PLEKHG1: variants seen among roughly 807,000 people sequenced by gnomAD.
The protein encoded by PLEKHG1 is pleckstrin homology domain-containing family G member 1.
Under a neutral mutation model 100.8 loss-of-function variants are expected in PLEKHG1, and 44 were observed. The ratio of observed to expected loss-of-function variants is 0.44; its 90% confidence interval spans 0.34 to 0.56. The LOEUF (loss-of-function observed/expected upper bound fraction) is 0.56, where lower values mean the gene tolerates loss of function less well. Ranked by LOEUF, PLEKHG1 falls within the 20% of genes least tolerant of loss-of-function variation. The probability of loss-of-function intolerance (pLI) is 0.01; values close to 1 mark genes in which losing one functional copy is unlikely to be tolerated. For missense variants in PLEKHG1, 1,545 were observed against 1,720.9 expected, an observed-to-expected ratio of 0.90 and a Z score of 1.81; for synonymous variants, 640 against 662.5, an observed-to-expected ratio of 0.97 and a Z score of 0.52.
At chr6:150,659,700 C>G (rs1185036924) in intron 3 of PLEKHG1, among the ~76,000 whole-genome samples, 1 of 152,164 alleles carries the variant, frequency 6.6e-6, no homozygotes, top group East Asian at 1.9e-4. Context: ...TTTACCTGCC[C>G]CTGCCTCCAA....
chr6:150,783,134 CAAAA>C (rs1388992411), intron 3 of PLEKHG1, among the ~76,000 whole-genome samples: 34 of 35,304 alleles, frequency 9.6e-4, no homozygotes, highest in African/African-American at 4.2e-3. Flanking sequence ...TGAAACAAAA[CAAAA>C]AAATCAATAA....
chr6:150,682,874 C>G (rs1466096426), intron 3 of PLEKHG1, among the ~76,000 whole-genome samples: 1 of 152,152 alleles, frequency 6.6e-6, no homozygotes, highest in Non-Finnish European at 1.5e-5. Flanking sequence ...AGACCAGGAG[C>G]TCCTGGAGCA....
chr6:150,662,321 T>C (rs1384736723), intron 3 of PLEKHG1: 1 of 152,212 alleles, frequency 6.6e-6, no homozygotes, highest in Non-Finnish European at 1.5e-5. Flanking sequence ...CTAGGAACCA[T>C]ATATATACCA....
chr6:150,756,149 CAGA>C (rs1260336535), intron 2 of PLEKHG1, among the ~76,000 whole-genome samples: 1 of 151,538 alleles, frequency 6.6e-6, no homozygotes, highest in African/African-American at 2.4e-5. Flanking sequence ...GACAGTATGA[CAGA>C]AGGACATCTT....
intron 7 of PLEKHG1, among the ~76,000 whole-genome samples, chr6:150,805,076 C>T (rs1786982087): frequency 2.6e-5 from 4 of 152,036 alleles, no homozygotes. Flanking sequence ...GCTGGGATTA[C>T]AGGCATGTGC....
In PLEKHG1 at chr6:150,827,847, G is replaced by A. The variant is rs917354406; in HGVS notation, c.1471-2735G>A. On this transcript the variant is annotated intron_variant, in intron 14 of 15. Transcript: ENST00000358517. ...GGAAGAGCTGGAGGATCACGAAGGC[G>A]AGTTTAATGAGGAGGATGAATGTGC... 1.3e-5 allele frequency: 18 copies of A among 1,437,818 alleles called. No individual in the cohort carries two copies. The African/African-American group carries it at 1.8e-4, about 15-fold the overall frequency. 89.1% of individuals were successfully genotyped at this position (1,437,818 alleles called of 1,614,324 possible).
chr6:150,696,723 A>G (rs527466826), intron 3 of PLEKHG1, among the ~76,000 whole-genome samples: 3 of 152,334 alleles, frequency 2.0e-5, no homozygotes, highest in Non-Finnish European at 4.4e-5. Context: ...ATTATTTGTG[A>G]GAGGGAAAAT....
intron 3 of PLEKHG1, among the ~76,000 whole-genome samples, chr6:150,710,571 G>A (rs117360143): frequency 0.02 from 3,090 of 152,166 alleles, 45 homozygotes; most frequent in Middle Eastern, 0.048. Flanking sequence ...GTGAGGGGAC[G>A]GCATTACCCC....
intron 3 of PLEKHG1, among the ~76,000 whole-genome samples, chr6:150,782,218 GA>G (rs1250377559): frequency 6.6e-6 from 1 of 152,036 alleles, no homozygotes; most frequent in Non-Finnish European, 1.5e-5. Flanking sequence ...AGGAGTTCAA[GA>G]CCAGCCCAGC....
chr6:150,728,047 G>A (rs1325253705), intron 1 of PLEKHG1, among the ~76,000 whole-genome samples: 1 of 152,158 alleles, frequency 6.6e-6, no homozygotes, highest in Non-Finnish European at 1.5e-5. Flanking sequence ...ACACAGAGAT[G>A]ACCTCCCAAC....
At position 150,831,914 on chromosome 6, in the gene PLEKHG1, T is replaced by C; in HGVS notation, c.2803T>C (p.Ser935Pro). 1 of 1,614,050 alleles carries C rather than the reference T, an allele frequency of 6.2e-7. No homozygotes were observed. The highest frequency in any genetic ancestry group is 8.5e-7 in the Non-Finnish European group (1 of 1,179,934). The change falls in exon 15 of 16, where the codon TCT becomes CCT. Residue 935 changes from serine to proline, a missense_variant. Ser to Pro is a moderately conservative substitution (Grantham distance 74, BLOSUM62 -1). Transcript: ENST00000358517. This position sits in a 1 kb window ranked among gnomAD's most constrained non-coding sequence, Gnocchi z 4.1. The stretch of plus-strand genomic sequence containing the variant: ...CTCCTTTATGAGCCTTAACCGGCTT[T>C]CTCTGGCTAGTGAAATGCCCCTCAT...
chr6:150,677,890 C>A (rs887530877), intron 3 of PLEKHG1, among the ~76,000 whole-genome samples: 1 of 150,834 alleles, frequency 6.6e-6, no homozygotes, highest in Admixed American at 6.6e-5. Context: ...AATAAATAAA[C>A]AAATAAATAA....
chr6:150,814,577 A>G (rs1787743755), intron 10 of PLEKHG1, among the ~76,000 whole-genome samples: 1 of 152,240 alleles, frequency 6.6e-6, no homozygotes, highest in South Asian at 2.1e-4. Flanking sequence ...AAAAATAAAA[A>G]CAGAGGCTGA....
intron 4 of PLEKHG1, among the ~76,000 whole-genome samples, chr6:150,787,859 G>A (rs1785720774): frequency 6.6e-6 from 1 of 152,202 alleles, no homozygotes; most frequent in South Asian, 2.1e-4. Context: ...TTACCTGTGT[G>A]TAAGCTTACA....
chr6:150,784,764 A>AG (rs1469519109), intron 3 of PLEKHG1, among the ~76,000 whole-genome samples: 1 of 152,242 alleles, frequency 6.6e-6, no homozygotes, highest in Non-Finnish European at 1.5e-5. Flanking sequence ...TCTTGAAAAA[A>AG]GAAAAAAAAA....
At chr6:150,671,326 A>G (rs1582919532) in intron 3 of PLEKHG1, among the ~76,000 whole-genome samples, 2 of 152,192 alleles carry the variant, frequency 1.3e-5, no homozygotes, top group African/African-American at 4.8e-5. Flanking sequence ...TATTTTCAAT[A>G]GTGGCTGTAC....
At chr6:150,767,215 GGGCCT>G (rs1241510848) in intron 2 of PLEKHG1, among the ~76,000 whole-genome samples, 1 of 149,228 alleles carries the variant, frequency 6.7e-6, no homozygotes, top group African/African-American at 2.6e-5. Flanking sequence ...TTTCTTTTTT[GGGCCT>G]TTTTTGGGCC....
intron 3 of PLEKHG1, among the ~76,000 whole-genome samples, chr6:150,658,003 A>G (rs1014242455): frequency 2.0e-5 from 3 of 152,226 alleles, no homozygotes; most frequent in Non-Finnish European, 4.4e-5. Flanking sequence ...TAAGAAGTCA[A>G]TAAAACAAAA....
At chr6:150,712,188 G>C (rs983562170) in intron 3 of PLEKHG1, among the ~76,000 whole-genome samples, 5 of 152,178 alleles carry the variant, frequency 3.3e-5, no homozygotes, top group African/African-American at 1.2e-4. Context: ...CGCAAGAAAG[G>C]CTGGAACCAT....
Sources: gnomAD v4.1 joint callset for allele counts (sites outside exome capture counted in the v4.1 genomes callset) on GRCh38, gnomAD v4.1.1 for gene constraint, Gnocchi (gnomAD v3.1) non-coding constraint, MANE v1.5 for transcripts, NCBI Gene and HGNC (gene_info 2026-07-23, HGNC 2026-07-21) for gene names.